FAT1: variants seen among roughly 807,000 people sequenced by gnomAD.
The protein encoded by FAT1 is protocadherin Fat 1.
In FAT1, 171 loss-of-function variants were observed where a neutral mutation model predicts 329.8. That is an observed-to-expected ratio of 0.52 (90% CI 0.46 to 0.59). The LOEUF is 0.59. Ranked by LOEUF, FAT1 falls within the 20% of genes least tolerant of loss-of-function variation. The pLI, the probability that FAT1 is intolerant of heterozygous loss-of-function variation, is 0.00. For missense variants in FAT1, 5,672 were observed against 5,774.4 expected, an observed-to-expected ratio of 0.98 and a Z score of 0.57; for synonymous variants, 2,233 against 2,228.6, an observed-to-expected ratio of 1.00 and a Z score of -0.06.
At chr4:186,641,592 T>G (rs936200390) in intron 3 of FAT1, among the ~76,000 whole-genome samples, 1 of 152,142 alleles carries the variant, frequency 6.6e-6, no homozygotes, top group South Asian at 2.1e-4. Flanking sequence ...TGCAGAGCAC[T>G]TAATCACTCA....
chr4:186,597,725 C>T lies in FAT1; in HGVS notation c.12325G>A (p.Asp4109Asn), dbSNP rs2126399277. The change falls in exon 24 of 27, where the codon GAT becomes AAT. Residue 4109 changes from aspartate (D) to asparagine (N), a missense_variant. Around this residue, in one of 2 missense-constraint regions of FAT1, gnomAD observed 1,706 missense variants for 1,859.1 expected, o/e 0.92. Transcript: ENST00000441802. ...KNGGTCFDSL[D>N]GAVCQCDSGF... is the part of the protein sequence containing the mutation. ...GAATCACACTGACAAACGGCGCCAT[C>T]CAAACTGTCAAAGCATGTTCCGCCA... 2 of 1,613,884 alleles carry T rather than the reference C, an allele frequency of 1.2e-6. No homozygotes were observed. Among genetic ancestry groups the T allele is most frequent in the Non-Finnish European group, 1.7e-6 (2 of 1,179,872 alleles).
intron 2 of FAT1, among the ~76,000 whole-genome samples, chr4:186,679,931 T>C (rs546261690): frequency 1.3e-5 from 2 of 152,330 alleles, no homozygotes; most frequent in African/African-American, 4.8e-5. Context: ...TCTAAAGAAC[T>C]ACTTCATAAT....
intron 2 of FAT1, among the ~76,000 whole-genome samples, chr4:186,671,338 T>C (rs983936633): frequency 6.6e-6 from 1 of 152,176 alleles, no homozygotes; most frequent in Non-Finnish European, 1.5e-5. Context: ...TTGCCTATTA[T>C]ATACAAAGAA....
intron 3 of FAT1, among the ~76,000 whole-genome samples, chr4:186,661,166 C>A (rs145366627): frequency 6.6e-6 from 1 of 152,110 alleles, no homozygotes; most frequent in African/African-American, 2.4e-5. Flanking sequence ...GTTCCTGGCT[C>A]GTTAACTCCC....
chr4:186,631,702 C>T (rs1174020008), intron 7 of FAT1, among the ~76,000 whole-genome samples: 4 of 151,588 alleles, frequency 2.6e-5, no homozygotes, highest in Admixed American at 2.0e-4. Context: ...AATCCATCCC[C>T]GCGGTATCCT....
rs2126502490 is a variant in FAT1 at position 186,619,129 on chromosome 4, T to C, written c.7457A>G (p.Asn2486Ser). Residue 2486 changes from asparagine to serine, a missense_variant, in exon 10 of 27, where the codon AAT becomes AGT. Coordinates refer to ENST00000441802, the MANE Select transcript of FAT1 (RefSeq NM_005245.4). Reference protein sequence around the residue: ...TQVHVTVIGGNLHSPAFLQNE... With the variant: ...TQVHVTVIGGSLHSPAFLQNE... ...CTGAAGGAAAGCAGGACTGTGCAAA[T>C]TGCCTCCAATTACAGTTACATGAAC... The C allele has an allele frequency of 3.7e-6, 6 of 1,613,944 alleles. No homozygotes were observed. Among genetic ancestry groups the C allele is most frequent in the South Asian group, 3.3e-5 (3 of 91,082 alleles).
Position 186,636,742 on chromosome 4 carries a change from T to C in FAT1, c.3815A>G (p.Tyr1272Cys), listed in dbSNP as rs748140322. ...ATCCTTGTCGGTGGCTATGACGTGA[T>C]AGAGCGGCTCCCGTCTGGCATTTCT... ...RERNARREPL[Y>C]HVIATDKDEG... The change falls in exon 5 of 27, where the codon TAT becomes TGT. Residue 1272 changes from tyrosine (Y) to cysteine (C), a missense_variant. Physicochemically the swap from Tyr to Cys is radical, Grantham distance 194 (BLOSUM62 -2). This residue lies in a region of FAT1 where 3,966 missense variants were observed against 3,915.2 expected (regional missense o/e 1.01). Transcript: ENST00000441802. 1.1e-5 allele frequency: 18 copies of C among 1,613,836 alleles called. No individual in the cohort carries two copies. The highest frequency in any genetic ancestry group is 9.3e-5 in the African/African-American group (7 of 74,918).
intron 1 of FAT1, among the ~76,000 whole-genome samples, chr4:186,721,048 C>T (rs1168807873): frequency 6.6e-6 from 1 of 152,188 alleles, no homozygotes; most frequent in Non-Finnish European, 1.5e-5. Flanking sequence ...AGATCAGTGT[C>T]TGTGTTGCAG....
chr4:186,674,906 C>G (rs1450305314), intron 2 of FAT1, among the ~76,000 whole-genome samples: 1 of 152,040 alleles, frequency 6.6e-6, no homozygotes, highest in East Asian at 1.9e-4. Flanking sequence ...TGGTGGCAGG[C>G]ACCTGTAGTC....
Position 186,618,470 on chromosome 4 carries a change from G to A in FAT1, c.8116C>T (p.Pro2706Ser), listed in dbSNP as rs1201286281. 1 of 1,613,994 alleles carries A rather than the reference G, an allele frequency of 6.2e-7. No individual in the cohort carries two copies. Among genetic ancestry groups the A allele is most frequent in the Admixed American group, 1.7e-5 (1 of 60,022 alleles). ...TCTGACACTGTAAAGGTATAGAAAG[G>A]TTCTGAAAATTTTGGAAGCTGCATT... is the stretch of plus-strand genomic sequence containing the variant. ...PEMQLPKFSE[P>S]FYTFTVSEDV... Residue 2706 changes from proline to serine, a missense_variant, in exon 10 of 27, where the codon CCT becomes TCT. Physicochemically the swap from Pro to Ser is moderately conservative, Grantham distance 74. Coordinates refer to ENST00000441802, the MANE Select transcript of FAT1 (RefSeq NM_005245.4).
rs2126682908 is a variant in FAT1, at chr4:186,706,751, T to C, written c.3077A>G (p.Asn1026Ser). The change falls in exon 2 of 27, where the codon AAT becomes AGT. Residue 1026 changes from asparagine to serine, a missense_variant. By Grantham distance (46) the Asn-to-Ser change is conservative. Around this residue, in one of 2 missense-constraint regions of FAT1, gnomAD observed 3,966 missense variants for 3,915.2 expected, o/e 1.01. Transcript: ENST00000441802. ...AAACACGGGTGGGTGCAGGTTCTCA[T>C]TCACATCAACCACCTCAACTTCAAC... is the stretch of plus-strand genomic sequence containing the variant. ...CYVEVEVVDV[N>S]ENLHPPVFSS... 2 of 1,613,968 alleles carry C rather than the reference T, an allele frequency of 1.2e-6. No homozygotes were observed. The highest frequency in any genetic ancestry group is 1.1e-5 in the South Asian group (1 of 91,086).
At chr4:186,623,330 C>T (rs1053919302) in intron 9 of FAT1, among the ~76,000 whole-genome samples, 4 of 152,138 alleles carry the variant, frequency 2.6e-5, no homozygotes, top group Non-Finnish European at 4.4e-5. Flanking sequence ...TTTTGGCCGT[C>T]GTCAGAACGC....
At position 186,620,254 on chromosome 4, in the gene FAT1, C is replaced by T. The variant is rs1201753787; in HGVS notation, c.6332G>A (p.Gly2111Asp). ...RYVTAVDRDS[G>D]RNGEVHYYLK... is the part of the protein sequence containing the mutation. ...GTAGTAATGCACTTCCCCGTTTCTG[C>T]CACTGTCTCTGTCTACAGCAGTGAC... The change falls in exon 10 of 27, where the codon GGC becomes GAC. Residue 2111 changes from glycine (G) to aspartate (D), a missense_variant. Transcript: ENST00000441802. 3.1e-6 allele frequency: 5 copies of T among 1,613,872 alleles called. No homozygotes were observed. The African/African-American group carries it at 5.3e-5, about 17-fold the overall frequency.
In FAT1 at chr4:186,707,386, A is replaced by T. The variant is rs1744681408; in HGVS notation, c.2442T>A (p.Asp814Glu). 1.2e-6 allele frequency: 2 copies of T among 1,614,004 alleles called. No individual in the cohort carries two copies. Among genetic ancestry groups the T allele is most frequent in the Non-Finnish European group, 1.7e-6 (2 of 1,179,898 alleles). The change falls in exon 2 of 27, where the codon GAT becomes GAA. Residue 814 changes from aspartate to glutamate, a missense_variant. By Grantham distance (45) the Asp-to-Glu change is conservative. Transcript: ENST00000441802. Reference protein sequence around the residue: ...AWRLLHVVVVDANDNPPEFLQ... With the variant: ...AWRLLHVVVVEANDNPPEFLQ... The stretch of plus-strand genomic sequence containing the variant: ...AAAACTCGGGTGGATTATCATTGGC[A>T]TCGACAACCACGACATGTAGAAGAC...
upstream of FAT1, among the ~76,000 whole-genome samples, chr4:186,725,403 A>AT (rs563249030): frequency 2.0e-5 from 3 of 152,060 alleles, no homozygotes; most frequent in Non-Finnish European, 2.9e-5. The surrounding 1 kb of genome is among the most constrained non-coding windows in gnomAD (Gnocchi z 5.4). Context: ...AAATCACGGG[A>AT]TTTTTTTTAA....
intron 3 of FAT1, among the ~76,000 whole-genome samples, chr4:186,661,999 G>T (rs1742195370): frequency 6.8e-6 from 1 of 146,648 alleles, no homozygotes. Context: ...TGGTGTGTAG[G>T]AAATCCTCCC....
At chr4:186,720,385 A>AG (rs1745413566) in intron 1 of FAT1, among the ~76,000 whole-genome samples, 1 of 151,752 alleles carries the variant, frequency 6.6e-6, no homozygotes, top group African/African-American at 2.4e-5. Context: ...ACCTAGACAA[A>AG]AAAAAGAAGC....
intron 2 of FAT1, among the ~76,000 whole-genome samples, chr4:186,682,712 G>A (rs1321584072): frequency 1.3e-5 from 2 of 152,146 alleles, no homozygotes; most frequent in African/African-American, 4.8e-5. Context: ...TTAGCAAAGA[G>A]GACACTGGGT....
intron 13 of FAT1, among the ~76,000 whole-genome samples, chr4:186,612,894 C>T (rs534337944): frequency 4.7e-4 from 71 of 152,134 alleles, no homozygotes; most frequent in Non-Finnish European, 9.3e-4. Context: ...ATTTTAGAGA[C>T]CTCACAGCAG....
Sources: gnomAD v4.1 joint callset for allele counts (sites outside exome capture counted in the v4.1 genomes callset) on GRCh38, gnomAD v4.1.1 for gene constraint, gnomAD v4.1.1 regional missense constraint, Gnocchi (gnomAD v3.1) non-coding constraint, MANE v1.5 for transcripts, NCBI Gene and HGNC (gene_info 2026-07-23, HGNC 2026-07-21) for gene names.